Variants in MGAT4C observed in about 807,000 individuals in gnomAD.
The protein encoded by MGAT4C is MGAT4 family member C, also known as alpha-1,3-mannosyl-glycoprotein 4-beta-N-acetylglucosaminyltransferase C.
In MGAT4C, 19 loss-of-function variants were observed where a neutral mutation model predicts 40.1. The ratio of observed to expected loss-of-function variants is 0.47; its 90% CI spans 0.33 to 0.70. MGAT4C has a LOEUF of 0.70. MGAT4C is among the 30% of genes least tolerant of loss of function. The probability of loss-of-function intolerance (pLI) is 0.02; values close to 1 mark genes in which losing one functional copy is unlikely to be tolerated. For synonymous variants in MGAT4C, 181 were observed against 187.1 expected (o/e 0.97, Z 0.27); for missense variants, 491 against 563.2 (o/e 0.87, Z 1.30).
chr12:86,148,803 C>G (rs1470640194), intron 1 of MGAT4C, among the ~76,000 whole-genome samples: 1 of 152,140 alleles, frequency 6.6e-6, no homozygotes, highest in African/African-American at 2.4e-5. Context: ...TTAATGGCAT[C>G]TGAGGAATGA....
At chr12:86,517,378 A>C (rs1958710615) in intron 2 of MGAT4C, among the ~76,000 whole-genome samples, 1 of 152,218 alleles carries the variant, frequency 6.6e-6, no homozygotes, top group African/African-American at 2.4e-5. Flanking sequence ...ACATAAAGTT[A>C]GAACTATTAA....
chr12:86,505,687 C>A (rs1958459743), intron 2 of MGAT4C, among the ~76,000 whole-genome samples: 1 of 152,124 alleles, frequency 6.6e-6, no homozygotes, highest in African/African-American at 2.4e-5. Context: ...GAGTAAAGGT[C>A]TTTGTCTTTA....
At chr12:86,498,608 T>A (rs925448760) in intron 2 of MGAT4C, among the ~76,000 whole-genome samples, 18 of 152,060 alleles carry the variant, frequency 1.2e-4, no homozygotes, top group Admixed American at 3.3e-4. Flanking sequence ...AGTGTACAGA[T>A]GCAGTAATAA....
chr12:85,969,078 G>C lies in MGAT4C; in HGVS notation c.*10211C>G, dbSNP rs1883495215. ...CAGTGTTAACTAAAATACATTGAAAGTGCCAATTCCTAGATCTATCCTAGA... is the reference window on the plus strand; with the variant it reads ...CAGTGTTAACTAAAATACATTGAAACTGCCAATTCCTAGATCTATCCTAGA... On this transcript the variant is annotated 3_prime_UTR_variant, in exon 5 of 5. Coordinates refer to ENST00000611864, the MANE Select transcript of MGAT4C (RefSeq NM_001351288.2). The C allele has an allele frequency of 6.6e-6, 1 of 151,748 alleles. No homozygotes were observed. The highest frequency in any genetic ancestry group is 6.6e-5 in the Admixed American group (1 of 15,220). 9.4% of individuals were successfully genotyped at this position (151,748 alleles called of 1,614,324 possible). A position where few individuals can be genotyped will look rare whatever the true frequency, so the allele number is the denominator to read the frequency against.
At chr12:86,052,036 A>G (rs902821831) in intron 1 of MGAT4C, among the ~76,000 whole-genome samples, 3 of 151,796 alleles carry the variant, frequency 2.0e-5, no homozygotes, top group Non-Finnish European at 4.4e-5. Flanking sequence ...ATTTTCAAGA[A>G]ATTTCTAATA....
chr12:86,578,790 A>G (rs1960662553), intron 2 of MGAT4C, among the ~76,000 whole-genome samples: 1 of 151,452 alleles, frequency 6.6e-6, no homozygotes. Context: ...AATTTTGTTT[A>G]AATTTTCAGA....
intron 2 of MGAT4C, among the ~76,000 whole-genome samples, chr12:86,661,533 T>G (rs554867026): frequency 1.3e-4 from 20 of 152,198 alleles, no homozygotes; most frequent in Non-Finnish European, 2.8e-4. Flanking sequence ...AATTAATTTT[T>G]TAATGAGAAT....
intron 1 of MGAT4C, among the ~76,000 whole-genome samples, chr12:86,179,068 A>T (rs1366186512): frequency 6.6e-6 from 1 of 152,182 alleles, no homozygotes; most frequent in African/African-American, 2.4e-5. Context: ...ATCTTCCAAA[A>T]TTCCCACATG....
At chr12:86,061,445 A>G (rs1016285477) in intron 1 of MGAT4C, among the ~76,000 whole-genome samples, 7 of 149,134 alleles carry the variant, frequency 4.7e-5, no homozygotes, top group Non-Finnish European at 8.9e-5. Context: ...TTGGACAGAC[A>G]CTGAGCTAAC....
chr12:86,078,874 T>A lies in MGAT4C; in HGVS notation c.-56-29151A>T, dbSNP rs111504004. ...GGTCACCCATTGAGGAGCACTCTCA[T>A]GGGATACAAATATTTTGACATCTGA... On this transcript the variant is annotated intron_variant, in intron 1 of 4. Transcript: ENST00000611864. Among the ~76,000 whole-genome samples the A allele has an allele frequency of 4.9e-3, 751 of 152,346 alleles. 8 individuals carry two copies. The highest frequency in any genetic ancestry group is 0.017 in the African/African-American group (714 of 41,580).
At chr12:86,296,858 CAAAGGG>C (rs1953694120) in intron 4 of MGAT4C, among the ~76,000 whole-genome samples, 1 of 152,216 alleles carries the variant, frequency 6.6e-6, no homozygotes, top group South Asian at 2.1e-4. Flanking sequence ...AGTGGCGGGC[CAAAGGG>C]CTCCTCAAGT....
intron 2 of MGAT4C, among the ~76,000 whole-genome samples, chr12:86,610,724 C>T (rs1278524579): frequency 1.3e-5 from 2 of 150,362 alleles, no homozygotes; most frequent in Non-Finnish European, 3.0e-5. Flanking sequence ...TCTCCTAATG[C>T]CATCCCACCC....
At chr12:86,762,282 C>A (rs925471547) in intron 1 of MGAT4C, among the ~76,000 whole-genome samples, 1 of 152,066 alleles carries the variant, frequency 6.6e-6, no homozygotes, top group African/African-American at 2.4e-5. Context: ...TACTCCTGAA[C>A]TCAAGCAATC....
chr12:86,130,355 C>T (rs1228805628), intron 1 of MGAT4C, among the ~76,000 whole-genome samples: 1 of 151,918 alleles, frequency 6.6e-6, no homozygotes, highest in Non-Finnish European at 1.5e-5. Flanking sequence ...ATTTCCATGC[C>T]AAATGTAATA....
intron 2 of MGAT4C, among the ~76,000 whole-genome samples, chr12:86,530,094 C>A (rs1958954444): frequency 6.6e-6 from 1 of 151,832 alleles, no homozygotes; most frequent in Non-Finnish European, 1.5e-5. Flanking sequence ...AGATGCAGAA[C>A]TGTGGATATG....
intron 2 of MGAT4C, among the ~76,000 whole-genome samples, chr12:86,720,112 G>A (rs779872140): frequency 5.9e-5 from 9 of 152,062 alleles, no homozygotes; most frequent in Non-Finnish European, 1.3e-4. Flanking sequence ...GGACAGGTGG[G>A]GGAAAGGAAC....
At chr12:86,662,571 C>T (rs1555216270) in intron 2 of MGAT4C, among the ~76,000 whole-genome samples, 2 of 152,106 alleles carry the variant, frequency 1.3e-5, no homozygotes, top group Non-Finnish European at 2.9e-5. Context: ...CAGTTCTATT[C>T]CTTACTGATT....
intron 1 of MGAT4C, among the ~76,000 whole-genome samples, chr12:86,757,129 C>T (rs1318592485): frequency 1.3e-5 from 2 of 151,074 alleles, no homozygotes; most frequent in Non-Finnish European, 2.9e-5. Flanking sequence ...GAAAACCAAA[C>T]ACTGCATGTT....
At chr12:86,349,697 A>G (rs1955117357) in intron 3 of MGAT4C, among the ~76,000 whole-genome samples, 1 of 152,136 alleles carries the variant, frequency 6.6e-6, no homozygotes, top group Non-Finnish European at 1.5e-5. Flanking sequence ...ACTCTGGATC[A>G]CATAGCCAGT....
Sources: gnomAD v4.1 joint callset for allele counts (sites outside exome capture counted in the v4.1 genomes callset) on GRCh38, gnomAD v4.1.1 for gene constraint, MANE v1.5 for transcripts, NCBI Gene and HGNC (gene_info 2026-07-23, HGNC 2026-07-21) for gene names.